SLC47A2: variants seen among roughly 807,000 people sequenced by gnomAD.
SLC47A2 encodes the protein multidrug and toxin extrusion protein 2.
A neutral mutation model predicts 67.7 loss-of-function variants in SLC47A2; 52 were observed. The ratio of observed to expected loss-of-function variants is 0.77; its 90% CI spans 0.61 to 0.97. SLC47A2 has a LOEUF of 0.97. Ranked by LOEUF, SLC47A2 falls within the 50% of genes least tolerant of loss-of-function variation. The probability of loss-of-function intolerance (pLI) is 0.00; values close to 1 mark genes in which losing one functional copy is unlikely to be tolerated. For synonymous variants in SLC47A2, 278 were observed against 292.9 expected (o/e 0.95, Z 0.52); for missense variants, 676 against 712.3 (o/e 0.95, Z 0.58).
chr17:19,712,584 T>C, intron 5 of SLC47A2, 119 bp downstream of exon 5: 1 of 1,058,432 alleles, frequency 9.4e-7, no homozygotes, highest in Non-Finnish European at 1.4e-6. Context: ...TCAGTCACCC[T>C]CATGGCCCAG....
chr17:19,688,888 G>C (rs2085482693), intron 13 of SLC47A2, among the ~76,000 whole-genome samples: 3 of 147,798 alleles, frequency 2.0e-5, no homozygotes, highest in Admixed American at 6.8e-5. Flanking sequence ...TTTTAAGAGA[G>C]AGGGTCTCGC....
At chr17:19,695,515 CAAAAAA>C (rs201305334) in intron 13 of SLC47A2, among the ~76,000 whole-genome samples, 1 of 91,406 alleles carries the variant, frequency 1.1e-5, no homozygotes, top group Admixed American at 1.2e-4. Context: ...AAAAAAACAG[CAAAAAA>C]AAAAAAAAGA....
intron 10 of SLC47A2, 67 bp downstream of exon 10, chr17:19,705,369 C>T: frequency 1.3e-6 from 2 of 1,508,548 alleles, no homozygotes; most frequent in Non-Finnish European, 1.8e-6. Context: ...ACAGCCTGCC[C>T]CCCTCCTATG....
rs2086274374 is a variant in SLC47A2, at chr17:19,716,569, A to G, written c.-14T>C. Reference sequence around the variant, plus strand: ...GAGGCTGTCCATTCCTGGCCGGGGCACTGGCTACCCTGCACGCCTGAGCGC... The same window carrying G: ...GAGGCTGTCCATTCCTGGCCGGGGCGCTGGCTACCCTGCACGCCTGAGCGC... On this transcript the variant is annotated 5_prime_UTR_variant, in exon 1 of 17. Transcript: ENST00000433844. 6.3e-7 allele frequency: 1 copy of G among 1,593,282 alleles called. No individual in the cohort carries two copies. The highest frequency in any genetic ancestry group is 2.3e-5 in the East Asian group (1 of 44,130).
chr17:19,703,847 A>T (rs2085854072), intron 11 of SLC47A2, among the ~76,000 whole-genome samples: 1 of 152,094 alleles, frequency 6.6e-6, no homozygotes, highest in Admixed American at 6.5e-5. Flanking sequence ...GTGAGTGGGG[A>T]TGGGGAGAAA....
chr17:19,698,890 C>T (rs1265406864), intron 13 of SLC47A2, among the ~76,000 whole-genome samples: 1 of 152,088 alleles, frequency 6.6e-6, no homozygotes, highest in Non-Finnish European at 1.5e-5. Flanking sequence ...GCAACTGTTA[C>T]ATAGCTTTTA....
At chr17:19,683,022 A>G (rs1469159374) in intron 13 of SLC47A2, among the ~76,000 whole-genome samples, 3 of 152,196 alleles carry the variant, frequency 2.0e-5, no homozygotes, top group African/African-American at 4.8e-5. Context: ...GTTTGTACAC[A>G]TTTGAACAAA....
rs1567633371 is a variant in SLC47A2, at chr17:19,708,698, C to T, written c.531+18G>A. On this transcript the variant is annotated intron_variant, in intron 6 of 16. Transcript: ENST00000433844. ...GTGTGCTGGGAGAAGGGCCTCCCCA[C>T]ACACCAAAGACCTGTACCTGATTTT... The T allele has an allele frequency of 1.2e-6, 2 of 1,613,866 alleles. No individual in the cohort carries two copies. The highest frequency in any genetic ancestry group is 1.3e-5 in the African/African-American group (1 of 75,050).
chr17:19,710,109 C>T (rs1190249096), intron 5 of SLC47A2, among the ~76,000 whole-genome samples: 1 of 152,134 alleles, frequency 6.6e-6, no homozygotes, highest in Non-Finnish European at 1.5e-5. Context: ...CCAAACATTC[C>T]CCCTGGTGCC....
chr17:19,687,820 A>G (rs2085459100), intron 13 of SLC47A2, among the ~76,000 whole-genome samples: 1 of 152,218 alleles, frequency 6.6e-6, no homozygotes, highest in African/African-American at 2.4e-5. Flanking sequence ...CAGACTAATA[A>G]CAAATAATGA....
At chr17:19,711,107 C>A (rs1333065325) in intron 5 of SLC47A2, among the ~76,000 whole-genome samples, 1 of 152,026 alleles carries the variant, frequency 6.6e-6, no homozygotes, top group East Asian at 1.9e-4. Flanking sequence ...CTGCGCCCAG[C>A]TCAAAATTCT....
chr17:19,695,077 G>T (rs1396581880), intron 13 of SLC47A2, among the ~76,000 whole-genome samples: 2 of 151,954 alleles, frequency 1.3e-5, no homozygotes, highest in African/African-American at 4.8e-5. Flanking sequence ...TAAGAAATTG[G>T]ACTACATTGA....
chr17:19,702,135 A>G (rs2085801464), intron 13 of SLC47A2: 1 of 985,080 alleles, frequency 1.0e-6, no homozygotes, highest in African/African-American at 1.8e-5. Flanking sequence ...TACATAATTC[A>G]AATCTGTGTT....
intron 13 of SLC47A2, among the ~76,000 whole-genome samples, chr17:19,690,662 G>C (rs760693042): frequency 2.0e-5 from 3 of 152,136 alleles, no homozygotes; most frequent in Non-Finnish European, 1.5e-5. Flanking sequence ...TTTCTCAAAA[G>C]AAGACATACA....
intron 13 of SLC47A2, among the ~76,000 whole-genome samples, chr17:19,694,788 C>G (rs1801079679): frequency 1.3e-5 from 2 of 152,004 alleles, no homozygotes; most frequent in Middle Eastern, 3.4e-3. Flanking sequence ...AGGTGGCACA[C>G]ACCTGTAGTC....
rs1397554463 is a variant in SLC47A2, at chr17:19,715,141, A to G, written c.200T>C (p.Leu67Pro). 2 of 1,612,574 alleles carry G rather than the reference A, an allele frequency of 1.2e-6. No individual in the cohort carries two copies. The highest frequency in any genetic ancestry group is 1.7e-6 in the Non-Finnish European group (2 of 1,179,986). Residue 67 changes from leucine to proline, a missense_variant, in exon 2 of 17, where the codon CTG (leucine) becomes CCG (proline). Transcript: ENST00000433844. Reference sequence around the variant, plus strand: ...GGCCACCGCGAGGGTCACCGATGCCAGCTCCACCTTGCCCAGGTGCCCGCA... The same window carrying G: ...GGCCACCGCGAGGGTCACCGATGCCGGCTCCACCTTGCCCAGGTGCCCGCA... ...VFCGHLGKVE[L>P]ASVTLAVAFV...
At chr17:19,704,947 TC>T in intron 10 of SLC47A2, 1 of 403,320 alleles carries the variant, frequency 2.5e-6, no homozygotes, top group African/African-American at 2.1e-5. Flanking sequence ...TGCCTCAGCC[TC>T]CCAAGTGGCT....
chr17:19,678,659 C>T lies in SLC47A2; in HGVS notation c.*27G>A, dbSNP rs1567611880. ...GTTTGCATACTGGGGACAGCCACTC[C>T]TGGCTTTCTATTTCCAAGCTTCTTT... On this transcript the variant is annotated 3_prime_UTR_variant, in exon 17 of 17. Coordinates refer to ENST00000433844, the MANE Select transcript of SLC47A2 (RefSeq NM_001099646.3). 1 of 1,609,160 alleles carries T rather than the reference C, an allele frequency of 6.2e-7. No individual in the cohort carries two copies. The highest frequency in any genetic ancestry group is 8.5e-7 in the Non-Finnish European group (1 of 1,177,428).
intron 13 of SLC47A2, among the ~76,000 whole-genome samples, chr17:19,698,943 T>C (rs746880090): frequency 5.3e-5 from 8 of 152,170 alleles, no homozygotes; most frequent in Non-Finnish European, 7.3e-5. Flanking sequence ...TGATTTAAAC[T>C]CATAGGAGGA....
Sources: gnomAD v4.1 joint callset for allele counts (sites outside exome capture counted in the v4.1 genomes callset) on GRCh38, gnomAD v4.1.1 for gene constraint, MANE v1.5 for transcripts, NCBI Gene and HGNC (gene_info 2026-07-23, HGNC 2026-07-21) for gene names.